SHISA9: variants seen among roughly 807,000 people sequenced by gnomAD.
The protein encoded by SHISA9 is protein shisa-9.
In SHISA9, 13 loss-of-function variants were observed where a neutral mutation model predicts 38.0. The ratio of observed to expected loss-of-function variants is 0.34; its 90% confidence interval spans 0.22 to 0.54. SHISA9 has a LOEUF of 0.54. Among genes scored for constraint, SHISA9 ranks in the 20% least tolerant of loss-of-function variants. SHISA9 has a pLI of 0.91. For synonymous variants in SHISA9, 275 were observed against 242.0 expected, an observed-to-expected ratio of 1.14 and a Z score of -1.27; for missense variants, 538 against 575.8, an observed-to-expected ratio of 0.93 and a Z score of 0.67.
intron 2 of SHISA9, among the ~76,000 whole-genome samples, chr16:13,142,093 G>C (rs1379676098): frequency 6.6e-6 from 1 of 152,188 alleles, no homozygotes; most frequent in Non-Finnish European, 1.5e-5. Context: ...CCCCATTCTA[G>C]GAGCATTTCT....
At chr16:13,318,010 T>TC in the SHISA9 span, among the ~76,000 whole-genome samples, 3 of 151,980 alleles carry the variant, frequency 2.0e-5, no homozygotes, top group South Asian at 6.2e-4. Flanking sequence ...TTTTTTTTTT[T>TC]TGATCCACTA....
chr16:13,345,939 T>C, the SHISA9 span, among the ~76,000 whole-genome samples: 1 of 145,968 alleles, frequency 6.9e-6, no homozygotes, highest in Non-Finnish European at 1.5e-5. Context: ...CCCAATTCTT[T>C]ATGGGGTTGT....
intron 2 of SHISA9, among the ~76,000 whole-genome samples, chr16:13,143,283 T>G (rs1413019391): frequency 2.6e-5 from 4 of 152,152 alleles, no homozygotes; most frequent in Non-Finnish European, 5.9e-5. Flanking sequence ...GTGCTGGGAT[T>G]ACAGGCATGA....
At chr16:13,087,396 G>A (rs183863117) in intron 2 of SHISA9, among the ~76,000 whole-genome samples, 149 of 152,124 alleles carry the variant, frequency 9.8e-4, no homozygotes, top group African/African-American at 3.4e-3. Flanking sequence ...TTGAGGAATC[G>A]CCACACTGTC....
chr16:13,469,408 AG>A, the SHISA9 span, among the ~76,000 whole-genome samples: 85 of 128,788 alleles, frequency 6.6e-4, 3 homozygotes, highest in African/African-American at 2.6e-3. Flanking sequence ...AAAGAAAGAA[AG>A]AAAGAAAGAA....
At chr16:13,157,379 A>T (rs1190080761) in intron 2 of SHISA9, among the ~76,000 whole-genome samples, 1 of 152,214 alleles carries the variant, frequency 6.6e-6, no homozygotes, top group Non-Finnish European at 1.5e-5. Flanking sequence ...AGAATGGGAG[A>T]TCTCAGATTT....
chr16:12,963,292 G>C (rs961872004), intron 2 of SHISA9, among the ~76,000 whole-genome samples: 2 of 152,204 alleles, frequency 1.3e-5, no homozygotes, highest in Admixed American at 6.5e-5. Context: ...GGGGTGGAAG[G>C]AGATGTAAAC....
intron 2 of SHISA9, among the ~76,000 whole-genome samples, chr16:13,140,762 T>C (rs774420477): frequency 1.3e-5 from 2 of 152,094 alleles, no homozygotes; most frequent in Non-Finnish European, 2.9e-5. Context: ...GTGAATTCTG[T>C]AGGGAGGGTT....
intron 2 of SHISA9, among the ~76,000 whole-genome samples, chr16:12,937,279 A>T (rs2071546916): frequency 6.6e-6 from 1 of 152,216 alleles, no homozygotes. Context: ...TACATGGTAG[A>T]AAAGAAAGTA....
At chr16:13,489,325 C>T in the SHISA9 span, among the ~76,000 whole-genome samples, 1 of 152,204 alleles carries the variant, frequency 6.6e-6, no homozygotes, top group African/African-American at 2.4e-5. Flanking sequence ...GCTGGGATTA[C>T]AGGTATGAGC....
At chr16:13,230,802 T>C (rs927020671) in intron 4 of SHISA9, among the ~76,000 whole-genome samples, 1 of 152,184 alleles carries the variant, frequency 6.6e-6, no homozygotes, top group Non-Finnish European at 1.5e-5. Context: ...CTTGATGATA[T>C]GCTAAAGAAG....
the SHISA9 span, among the ~76,000 whole-genome samples, chr16:13,556,912 T>A: frequency 2.0e-5 from 3 of 152,180 alleles, no homozygotes. Flanking sequence ...ATATACATAG[T>A]TTACATGCGA....
chr16:13,077,466 C>T (rs921851764), intron 2 of SHISA9, among the ~76,000 whole-genome samples: 1 of 152,140 alleles, frequency 6.6e-6, no homozygotes, highest in African/African-American at 2.4e-5. Flanking sequence ...CCAGGTGATG[C>T]TCTCTGGCCC....
chr16:13,099,139 A>G (rs970828650), intron 2 of SHISA9, among the ~76,000 whole-genome samples: 1 of 152,260 alleles, frequency 6.6e-6, no homozygotes, highest in African/African-American at 2.4e-5. Context: ...ATCCATGTCA[A>G]TTCACTGACC....
At chr16:13,295,631 G>C in the SHISA9 span, among the ~76,000 whole-genome samples, 1 of 152,138 alleles carries the variant, frequency 6.6e-6, no homozygotes, top group Admixed American at 6.5e-5. Flanking sequence ...ACCTCGGGGG[G>C]TTCAATTTCC....
At chr16:13,181,429 G>A (rs2050778762) in intron 2 of SHISA9, among the ~76,000 whole-genome samples, 1 of 151,362 alleles carries the variant, frequency 6.6e-6, no homozygotes, top group Non-Finnish European at 1.5e-5. Flanking sequence ...CTGTGAGGGG[G>A]GAAATCACAT....
chr16:13,033,531 G>C (rs2141879637), intron 2 of SHISA9, among the ~76,000 whole-genome samples: 1 of 152,246 alleles, frequency 6.6e-6, no homozygotes, highest in South Asian at 2.1e-4. Flanking sequence ...TCCCAGAAAG[G>C]ATTGAATATT....
chr16:13,331,693 C>G, the SHISA9 span: 1 of 152,164 alleles, frequency 6.6e-6, no homozygotes, highest in East Asian at 1.9e-4. Flanking sequence ...TTCCAAACTT[C>G]TCTTCAAGGA....
intron 2 of SHISA9, among the ~76,000 whole-genome samples, chr16:13,045,109 T>G (rs2073171983): frequency 6.6e-6 from 1 of 152,206 alleles, no homozygotes; most frequent in African/African-American, 2.4e-5. Context: ...TTATAGAGAT[T>G]CAACATGCTT....
Sources: allele counts gnomAD v4.1 joint callset (sites outside exome capture counted in the v4.1 genomes callset), GRCh38; gene constraint gnomAD v4.1.1; transcripts MANE v1.5; gene names NCBI Gene and HGNC (gene_info 2026-07-23, HGNC 2026-07-21).